PARD3: variants seen among roughly 807,000 people sequenced by gnomAD.
PARD3 encodes the protein par-3 family cell polarity regulator.
Under a neutral mutation model 155.4 loss-of-function variants are expected in PARD3, and 75 were observed. That is an observed-to-expected ratio of 0.48 (90% confidence interval 0.40 to 0.58). The LOEUF is 0.58. PARD3 is among the 20% of genes least tolerant of loss of function. The probability of loss-of-function intolerance (pLI) is 0.00; values close to 1 mark genes in which losing one functional copy is unlikely to be tolerated. For synonymous variants in PARD3, 576 were observed against 610.5 expected (o/e 0.94, Z 0.83); for missense variants, 1,642 against 1,721.7 (o/e 0.95, Z 0.82).
At chr10:34,236,765 C>T (rs1336351062) in intron 22 of PARD3, among the ~76,000 whole-genome samples, 2 of 152,086 alleles carry the variant, frequency 1.3e-5, no homozygotes, top group Admixed American at 6.6e-5. Context: ...GGGCTAAAGA[C>T]CTTCACAATT....
chr10:34,117,330 C>T (rs1018923099), intron 24 of PARD3, among the ~76,000 whole-genome samples: 2 of 152,204 alleles, frequency 1.3e-5, no homozygotes, highest in Non-Finnish European at 2.9e-5. Context: ...TATGAAGTGC[C>T]CTGGCCCACC....
chr10:34,172,578 C>G (rs968256769), intron 22 of PARD3, among the ~76,000 whole-genome samples: 1 of 152,012 alleles, frequency 6.6e-6, no homozygotes, highest in African/African-American at 2.4e-5. Flanking sequence ...GTGTGAGAGT[C>G]TGTGATGCTG....
chr10:34,573,784 C>G (rs941612430), intron 2 of PARD3, among the ~76,000 whole-genome samples: 1,523 of 132,354 alleles, frequency 0.012, 14 homozygotes, highest in African/African-American at 0.045. Flanking sequence ...CACACACACA[C>G]AGAGAATCAG....
intron 1 of PARD3, among the ~76,000 whole-genome samples, chr10:34,701,971 T>C (rs563106567): frequency 1.3e-5 from 2 of 152,240 alleles, no homozygotes; most frequent in South Asian, 4.1e-4. Context: ...GAAACCAGCC[T>C]GGCCAACATG....
chr10:34,490,726 CA>C (rs1428707113), intron 3 of PARD3, among the ~76,000 whole-genome samples: 4 of 152,176 alleles, frequency 2.6e-5, no homozygotes, highest in African/African-American at 7.2e-5. Flanking sequence ...CTAACCTCAA[CA>C]AAAAGTGGAA....
At chr10:34,726,184 G>A (rs547712662) in intron 1 of PARD3, among the ~76,000 whole-genome samples, 4 of 152,310 alleles carry the variant, frequency 2.6e-5, no homozygotes, top group Admixed American at 6.5e-5. Flanking sequence ...GGCCAGGCAC[G>A]ATGGCTCATG....
intron 2 of PARD3, among the ~76,000 whole-genome samples, chr10:34,657,691 A>T (rs1193633075): frequency 6.6e-6 from 1 of 152,088 alleles, no homozygotes; most frequent in Non-Finnish European, 1.5e-5. Context: ...GGCACACGCC[A>T]CCACGCCTGG....
intron 1 of PARD3, among the ~76,000 whole-genome samples, chr10:34,701,940 A>T (rs1406728984): frequency 1.3e-5 from 2 of 152,154 alleles, no homozygotes; most frequent in Non-Finnish European, 2.9e-5. Flanking sequence ...AGGTGGGTGG[A>T]TCACTTGAGG....
At chr10:34,661,373 T>G (rs1431894256) in intron 2 of PARD3, among the ~76,000 whole-genome samples, 1 of 152,192 alleles carries the variant, frequency 6.6e-6, no homozygotes, top group African/African-American at 2.4e-5. Context: ...ATAAAGTACC[T>G]CGGGACATTT....
chr10:34,661,223 C>T (rs140230294), intron 2 of PARD3, among the ~76,000 whole-genome samples: 1 of 152,290 alleles, frequency 6.6e-6, no homozygotes, highest in East Asian at 1.9e-4. Context: ...GCTATAATCA[C>T]TCTACTTGAG....
chr10:34,614,730 A>C (rs2091135047), intron 2 of PARD3, among the ~76,000 whole-genome samples: 1 of 152,262 alleles, frequency 6.6e-6, no homozygotes, highest in African/African-American at 2.4e-5. Context: ...TGATCTACAG[A>C]TCGAATGCAT....
At chr10:34,312,179 A>C in intron 20 of PARD3, 1 of 1,179,582 alleles carries the variant, frequency 8.5e-7, no homozygotes. Context: ...AAGATCCAAA[A>C]GTTCCAAATG....
At chr10:34,127,443 C>T (rs962325740) in intron 23 of PARD3, among the ~76,000 whole-genome samples, 2 of 152,188 alleles carry the variant, frequency 1.3e-5, no homozygotes, top group African/African-American at 4.8e-5. Flanking sequence ...ACACCCCTAG[C>T]CTACCTCTGC....
chr10:34,244,357 T>A (rs193165882), intron 22 of PARD3, among the ~76,000 whole-genome samples: 27 of 152,312 alleles, frequency 1.8e-4, no homozygotes, highest in Middle Eastern at 6.8e-3. Context: ...TGCGCCTAGT[T>A]AAACATAGTG....
At chr10:34,216,267 A>T (rs1296470059) in intron 22 of PARD3, among the ~76,000 whole-genome samples, 1 of 152,212 alleles carries the variant, frequency 6.6e-6, no homozygotes, top group Non-Finnish European at 1.5e-5. Context: ...AAGCATTCAT[A>T]ATGCTATTTG....
chr10:34,778,851 C>T (rs1288169580), intron 1 of PARD3, among the ~76,000 whole-genome samples: 1 of 152,176 alleles, frequency 6.6e-6, no homozygotes, highest in Non-Finnish European at 1.5e-5. Context: ...CTATCGTTTC[C>T]TTAACATGAG....
At chr10:34,536,340 T>C (rs2083229935) in intron 2 of PARD3, among the ~76,000 whole-genome samples, 1 of 152,180 alleles carries the variant, frequency 6.6e-6, no homozygotes, top group African/African-American at 2.4e-5. Context: ...AGAAGAAAAT[T>C]TGGAGAAAAA....
intron 5 of PARD3, among the ~76,000 whole-genome samples, chr10:34,446,196 G>C (rs1422639325): frequency 2.6e-5 from 4 of 152,144 alleles, no homozygotes; most frequent in African/African-American, 7.2e-5. Context: ...GAGCTAAGGT[G>C]GCCTTCAGGA....
At chr10:34,386,133 T>G (rs988250868) in intron 7 of PARD3, among the ~76,000 whole-genome samples, 1 of 152,170 alleles carries the variant, frequency 6.6e-6, no homozygotes, top group Non-Finnish European at 1.5e-5. Context: ...TTAATAAATA[T>G]AATAAGGTGG....
Sources: gnomAD v4.1 joint callset for allele counts (sites outside exome capture counted in the v4.1 genomes callset) on GRCh38, gnomAD v4.1.1 for gene constraint, MANE v1.5 for transcripts, NCBI Gene and HGNC (gene_info 2026-07-23, HGNC 2026-07-21) for gene names.